HTT: variants seen among roughly 807,000 people sequenced by gnomAD.
HTT encodes the protein huntingtin.
Under a neutral mutation model 362.3 loss-of-function variants are expected in HTT, and 104 were observed. That is an observed-to-expected ratio of 0.29 (90% CI 0.24 to 0.34). HTT has a LOEUF of 0.34. HTT is among the 10% of genes least tolerant of loss of function. The probability of loss-of-function intolerance (pLI) is 1.00; values close to 1 mark genes in which losing one functional copy is unlikely to be tolerated. For synonymous variants in HTT, 1,577 were observed against 1,548.7 expected, an observed-to-expected ratio of 1.02 and a Z score of -0.43; for missense variants, 3,301 against 3,928.6, an observed-to-expected ratio of 0.84 and a Z score of 4.27.
intron 6 of HTT, among the ~76,000 whole-genome samples, chr4:3,111,257 G>A (rs1714734443): frequency 6.6e-6 from 1 of 151,546 alleles, no homozygotes; most frequent in Admixed American, 6.6e-5. Context: ...GCGGTGGTGG[G>A]ATTTTGGCTC....
intron 51 of HTT, among the ~76,000 whole-genome samples, chr4:3,217,305 C>T (rs1341083001): frequency 2.0e-5 from 3 of 152,322 alleles, no homozygotes; most frequent in Non-Finnish European, 4.4e-5. Flanking sequence ...AACCATGCCC[C>T]AAGCCCCTCA....
intron 29 of HTT, among the ~76,000 whole-genome samples, chr4:3,162,353 G>A (rs566390847): frequency 6.6e-6 from 1 of 152,192 alleles, no homozygotes; most frequent in Admixed American, 6.5e-5. Flanking sequence ...AAGTCAGGTA[G>A]TGTGATGCCT....
intron 41 of HTT, among the ~76,000 whole-genome samples, chr4:3,200,677 CCCAGTAGGG>C (rs1719486939): frequency 6.6e-6 from 1 of 152,214 alleles, no homozygotes; most frequent in Non-Finnish European, 1.5e-5. Context: ...TGCCAGGGCT[CCCAGTAGGG>C]CCAGTTCATG....
At chr4:3,169,655 C>T (rs909073265) in intron 29 of HTT, among the ~76,000 whole-genome samples, 1 of 151,888 alleles carries the variant, frequency 6.6e-6, no homozygotes, top group Non-Finnish European at 1.5e-5. Context: ...CTCACTGCAA[C>T]CTCCACCTCC....
At chr4:3,207,897 T>C (rs555158894) in intron 45 of HTT, among the ~76,000 whole-genome samples, 2 of 151,776 alleles carry the variant, frequency 1.3e-5, no homozygotes, top group East Asian at 3.9e-4. Flanking sequence ...GACTGCAGAA[T>C]AAGTTAAACT....
chr4:3,238,645 A>C, intron 65 of HTT, 36 bp downstream of exon 65: 1 of 1,564,698 alleles, frequency 6.4e-7, no homozygotes, highest in Non-Finnish European at 8.7e-7. Flanking sequence ...GGAGTGGGAA[A>C]GCCTGGAGGT....
At chr4:3,113,919 C>A (rs553025807) in intron 6 of HTT, among the ~76,000 whole-genome samples, 33 of 152,096 alleles carry the variant, frequency 2.2e-4, no homozygotes, top group African/African-American at 7.2e-4. Context: ...GTCGGGGAGA[C>A]CCTAACCCAG....
chr4:3,229,648 C>T (rs1721145000), intron 59 of HTT, among the ~76,000 whole-genome samples: 1 of 151,972 alleles, frequency 6.6e-6, no homozygotes. Context: ...CATGCGCACA[C>T]ACACACCACA....
intron 2 of HTT, among the ~76,000 whole-genome samples, chr4:3,096,293 C>T (rs550313395): frequency 1.3e-4 from 20 of 152,184 alleles, no homozygotes; most frequent in Non-Finnish European, 1.9e-4. Context: ...TTTCAGTAGC[C>T]GCTCTCAATG....
chr4:3,143,748 C>G (rs917560803), intron 23 of HTT, among the ~76,000 whole-genome samples: 1 of 151,734 alleles, frequency 6.6e-6, no homozygotes, highest in Non-Finnish European at 1.5e-5. Flanking sequence ...GGATTACAGG[C>G]ATGCACCACC....
chr4:3,130,069 C>A (rs758409589), intron 13 of HTT, 22 bp downstream of exon 13: 3 of 1,571,686 alleles, frequency 1.9e-6, no homozygotes, highest in Non-Finnish European at 2.6e-6. Context: ...ACAGGTGATG[C>A]GCTACAAAGT....
At chr4:3,203,597 G>A (rs970106079) in intron 41 of HTT, among the ~76,000 whole-genome samples, 4 of 152,204 alleles carry the variant, frequency 2.6e-5, no homozygotes, top group African/African-American at 9.6e-5. Context: ...ATTGGGAAAC[G>A]AACAGTAAAA....
intron 59 of HTT, among the ~76,000 whole-genome samples, 161 bp downstream of exon 59, chr4:3,229,170 A>G (rs1277581642): frequency 6.6e-6 from 1 of 150,756 alleles, no homozygotes; most frequent in Non-Finnish European, 1.5e-5. Flanking sequence ...GACACCACAC[A>G]CACATGCCAC....
intron 12 of HTT, 66 bp from the exon 13 acceptor site, chr4:3,129,858 T>C (rs1386257711): frequency 4.4e-6 from 7 of 1,600,704 alleles, no homozygotes; most frequent in Middle Eastern, 1.7e-4. Flanking sequence ...TGCACTTCCA[T>C]GTTGGAGGGC....
intron 26 of HTT, among the ~76,000 whole-genome samples, chr4:3,153,599 C>T (rs778704000): frequency 1.4e-4 from 22 of 152,200 alleles, no homozygotes; most frequent in Non-Finnish European, 2.8e-4. Context: ...ATCTCTGAGC[C>T]TGTTTCCTCT....
chr4:3,160,564 A>G (rs1354751785), intron 29 of HTT, among the ~76,000 whole-genome samples, 172 bp downstream of exon 29: 1 of 152,072 alleles, frequency 6.6e-6, no homozygotes, highest in African/African-American at 2.4e-5. Context: ...TTAGCCATGA[A>G]GTTTAGGGGG....
intron 29 of HTT, among the ~76,000 whole-genome samples, chr4:3,162,355 G>GTGA (rs752587643): frequency 6.6e-6 from 1 of 152,182 alleles, no homozygotes; most frequent in South Asian, 2.1e-4. Context: ...GTCAGGTAGT[G>GTGA]TGATGCCTCC....
rs957889723 is a variant in HTT, at chr4:3,242,406, A to T, written c.*2347A>T. 8.5e-5 allele frequency: 13 copies of T among 152,212 alleles called. No individual in the cohort carries two copies. The highest frequency in any genetic ancestry group is 2.7e-4 in the African/African-American group (11 of 41,454). 9.4% of individuals were successfully genotyped at this position (152,212 alleles called of 1,614,324 possible). A position where few individuals can be genotyped will look rare whatever the true frequency, so the allele number is the denominator to read the frequency against. ...ATACATAAAGTATCCATGCATGTGCATATAGACACATCTATAATTTTACAC... is the reference window on the plus strand; with the variant it reads ...ATACATAAAGTATCCATGCATGTGCTTATAGACACATCTATAATTTTACAC... On this transcript the variant is annotated 3_prime_UTR_variant, in exon 67 of 67. Transcript: ENST00000355072.
intron 2 of HTT, among the ~76,000 whole-genome samples, chr4:3,088,548 T>C (rs1329788434): frequency 6.6e-6 from 1 of 152,180 alleles, no homozygotes. Flanking sequence ...TACAGTTCAG[T>C]ATATATATTC....
Sources: gnomAD v4.1 joint callset for allele counts (sites outside exome capture counted in the v4.1 genomes callset) on GRCh38, gnomAD v4.1.1 for gene constraint, MANE v1.5 for transcripts, NCBI Gene and HGNC (gene_info 2026-07-23, HGNC 2026-07-21) for gene names.